SYN2: variants seen among roughly 807,000 people sequenced by gnomAD.
SYN2 encodes synapsin II, also known as synapsin-2.
Under a neutral mutation model 50.9 loss-of-function variants are expected in SYN2, and 19 were observed. That is an observed-to-expected ratio of 0.37 (90% CI 0.26 to 0.55). SYN2 has a LOEUF of 0.55. Ranked by LOEUF, SYN2 falls within the 20% of genes least tolerant of loss-of-function variation. The pLI is 0.81. For synonymous variants in SYN2, 255 were observed against 224.9 expected (o/e 1.13, Z -1.20); for missense variants, 587 against 576.4 (o/e 1.02, Z -0.19).
chr3:12,089,215 A>G (rs1206385036), intron 1 of SYN2, among the ~76,000 whole-genome samples: 1 of 152,230 alleles, frequency 6.6e-6, no homozygotes, highest in Admixed American at 6.5e-5. Flanking sequence ...ACAGTTCCAC[A>G]TGGCTGGGGA....
chr3:12,008,651 T>G (rs933907429), intron 1 of SYN2, among the ~76,000 whole-genome samples: 20 of 152,354 alleles, frequency 1.3e-4, no homozygotes, highest in Middle Eastern at 3.4e-3. Context: ...TGTCATTTAT[T>G]GAACAACATA....
intron 12 of SYN2, among the ~76,000 whole-genome samples, chr3:12,188,717 C>T (rs1309469328): frequency 6.6e-6 from 1 of 152,132 alleles, no homozygotes; most frequent in Admixed American, 6.5e-5. Flanking sequence ...CTTCCAGTCC[C>T]GTGTGATGGG....
intron 1 of SYN2, among the ~76,000 whole-genome samples, chr3:12,082,836 A>G (rs1186924808): frequency 2.0e-5 from 3 of 152,122 alleles, no homozygotes; most frequent in Admixed American, 1.3e-4. Context: ...CTCTTCACCT[A>G]TCTCCTTAAT....
intron 10 of SYN2, among the ~76,000 whole-genome samples, chr3:12,180,390 A>G (rs1488068801): frequency 1.3e-5 from 2 of 152,216 alleles, no homozygotes; most frequent in African/African-American, 2.4e-5. Context: ...CAGTCTGGCC[A>G]TGAGTTCCTG....
chr3:12,085,948 A>G (rs1043540479), intron 1 of SYN2, among the ~76,000 whole-genome samples: 4 of 152,174 alleles, frequency 2.6e-5, no homozygotes, highest in African/African-American at 9.6e-5. Flanking sequence ...GAAAATATCA[A>G]TAAAACTAAA....
In SYN2 at chr3:12,103,404, T is replaced by C. The variant is rs554328119; in HGVS notation, c.378-37247T>C. Among the ~76,000 whole-genome samples the C allele has an allele frequency of 3.9e-5, 6 of 152,322 alleles. No individual in the cohort carries two copies. The East Asian group carries it at 9.6e-4, about 24-fold the overall frequency. ...TGTATGAAATAATAATACATAATTA[T>C]GGAATTTAAAAAGACAATTAAAATT... is the stretch of plus-strand genomic sequence containing the variant. On this transcript the variant is annotated intron_variant, in intron 1 of 12. Coordinates refer to ENST00000621198, the MANE Select transcript of SYN2 (RefSeq NM_133625.6).
intron 1 of SYN2, among the ~76,000 whole-genome samples, chr3:12,088,678 A>G (rs530263284): frequency 2.0e-5 from 3 of 152,350 alleles, no homozygotes; most frequent in East Asian, 3.9e-4. Context: ...AAAATGTAGT[A>G]TATATACACA....
At chr3:12,033,287 T>C (rs1030085613) in intron 1 of SYN2, among the ~76,000 whole-genome samples, 3 of 152,288 alleles carry the variant, frequency 2.0e-5, no homozygotes, top group South Asian at 2.1e-4. Context: ...TCTTCAAAGC[T>C]CAGATGGAAA....
intron 1 of SYN2, among the ~76,000 whole-genome samples, chr3:12,049,374 C>T (rs904052245): frequency 1.3e-5 from 2 of 151,928 alleles, no homozygotes; most frequent in Non-Finnish European, 2.9e-5. Context: ...AAAAATTAGC[C>T]TGGTGTGGTG....
At chr3:12,016,691 A>G (rs569685196) in intron 1 of SYN2, among the ~76,000 whole-genome samples, 1 of 152,232 alleles carries the variant, frequency 6.6e-6, no homozygotes, top group South Asian at 2.1e-4. Flanking sequence ...CCCCATCTCT[A>G]CTAAAAATAC....
rs1305216845 is a variant in SYN2, at chr3:12,004,942, G to A, written c.377+14G>A. On this transcript the variant is annotated intron_variant, in intron 1 of 12. Transcript: ENST00000621198. ...GCACGCCGACTGGTAGGTGCCGGGC[G>A]CCGCCGCCCTCGGGGGTCGGGGTCC... The A allele has an allele frequency of 3.8e-6, 2 of 525,112 alleles. No individual in the cohort carries two copies. Among genetic ancestry groups the A allele is most frequent in the Non-Finnish European group, 3.3e-6 (1 of 299,354 alleles). 32.5% of individuals were successfully genotyped at this position (525,112 alleles called of 1,614,324 possible).
At chr3:12,016,028 A>G (rs998184278) in intron 1 of SYN2, among the ~76,000 whole-genome samples, 3 of 152,222 alleles carry the variant, frequency 2.0e-5, no homozygotes, top group African/African-American at 7.2e-5. Context: ...CCCTTTCTCT[A>G]TCATGGACTG....
At chr3:12,147,092 T>G (rs1325289795) in intron 4 of SYN2, among the ~76,000 whole-genome samples, 1 of 152,128 alleles carries the variant, frequency 6.6e-6, no homozygotes, top group Non-Finnish European at 1.5e-5. Context: ...AAAATGAAAT[T>G]TCAGCTGTCA....
In SYN2 at chr3:12,054,290, CAT is replaced by C. The variant is rs553332438; in HGVS notation, c.377+49363_377+49364del. 8.9e-4 allele frequency among the ~76,000 whole-genome samples: 136 copies of C among 152,324 alleles called. 1 individual carries two copies. The highest frequency in any genetic ancestry group is 3.2e-3 in the African/African-American group (133 of 41,570). On this transcript the variant is annotated intron_variant, in intron 1 of 12. Coordinates refer to ENST00000621198, the MANE Select transcript of SYN2 (RefSeq NM_133625.6). The stretch of plus-strand genomic sequence containing the variant: ...GCCCATGAAGAATAACCCTCCTCCC[CAT>C]GCTTCCTGGTTGCATCATCAGATTT...
intron 1 of SYN2, among the ~76,000 whole-genome samples, chr3:12,136,851 G>C (rs1249973746): frequency 6.6e-6 from 1 of 152,174 alleles, no homozygotes; most frequent in East Asian, 1.9e-4. Flanking sequence ...AGGCACTACA[G>C]ATATTTTTAG....
chr3:12,048,612 G>A, intron 1 of SYN2, among the ~76,000 whole-genome samples: 1 of 152,224 alleles, frequency 6.6e-6, no homozygotes, highest in Non-Finnish European at 1.5e-5. Context: ...CTTATTGTGT[G>A]CCAGGTATTG....
intron 3 of SYN2, among the ~76,000 whole-genome samples, chr3:12,143,075 G>T (rs768438245): frequency 1.7e-4 from 26 of 152,318 alleles, no homozygotes; most frequent in Non-Finnish European, 3.4e-4. Context: ...GCAAGCAGGT[G>T]GTGACAGAGA....
chr3:12,125,071 A>G (rs951791489), intron 1 of SYN2, among the ~76,000 whole-genome samples: 4 of 151,206 alleles, frequency 2.6e-5, no homozygotes, highest in Non-Finnish European at 5.9e-5. Flanking sequence ...CTGGAGTGCA[A>G]TGGCACAATC....
intron 1 of SYN2, among the ~76,000 whole-genome samples, chr3:12,087,039 C>T (rs1315977903): frequency 2.0e-5 from 3 of 151,872 alleles, no homozygotes; most frequent in South Asian, 2.1e-4. Context: ...AATCAGCATA[C>T]AAAAATAGCA....
Sources: gnomAD v4.1 joint callset for allele counts (sites outside exome capture counted in the v4.1 genomes callset) on GRCh38, gnomAD v4.1.1 for gene constraint, MANE v1.5 for transcripts, NCBI Gene and HGNC (gene_info 2026-07-23, HGNC 2026-07-21) for gene names.